TET3: variants seen among roughly 807,000 people sequenced by gnomAD.
TET3 encodes tet methylcytosine dioxygenase 3.
TET3 carries 19 observed loss-of-function variants against 141.4 expected under a neutral mutation model. The ratio of observed to expected loss-of-function variants is 0.13; its 90% CI spans 0.09 to 0.20. The LOEUF is 0.20. TET3 is among the 10% of genes least tolerant of loss of function. The probability of loss-of-function intolerance (pLI) is 1.00; values close to 1 mark genes in which losing one functional copy is unlikely to be tolerated. For missense variants in TET3, 1,874 were observed against 2,356.9 expected (o/e 0.80, Z 4.24); for synonymous variants, 1,043 against 980.9 (o/e 1.06, Z -1.18).
At position 74,047,703 on chromosome 2, in the gene TET3, G is replaced by T; in HGVS notation, c.1786G>T (p.Ala596Ser). ...AGGPVGTEKAAPGIKPSVRKP... is the reference protein window; with the variant it reads ...AGGPVGTEKASPGIKPSVRKP... The stretch of plus-strand genomic sequence containing the variant: ...AGGTCCCGTGGGAACGGAGAAAGCT[G>T]CCCCTGGGATCAAGCCCAGTGTCCG... Residue 596 changes from alanine (A) to serine (S), a missense_variant, in exon 4 of 12, where the codon GCC becomes TCC. By Grantham distance (99) the Ala-to-Ser change is moderately conservative (BLOSUM62 1). Coordinates refer to ENST00000409262, the MANE Select transcript of TET3 (RefSeq NM_001287491.2). 6.2e-7 allele frequency: 1 copy of T among 1,613,414 alleles called. No homozygotes were observed. The highest frequency in any genetic ancestry group is 8.5e-7 in the Non-Finnish European group (1 of 1,179,634).
the TET3 span, among the ~76,000 whole-genome samples, chr2:74,115,570 A>G: frequency 6.6e-6 from 1 of 152,178 alleles, no homozygotes; most frequent in African/African-American, 2.4e-5. Context: ...AAACTGTTGA[A>G]ATATTTAAAA....
At chr2:74,123,832 G>A in the TET3 span, among the ~76,000 whole-genome samples, 5 of 151,582 alleles carry the variant, frequency 3.3e-5, no homozygotes, top group East Asian at 2.0e-4. Context: ...CTGCCCGGCC[G>A]CCCATCGTCT....
At chr2:74,057,307 C>G (rs563651234) in intron 4 of TET3, among the ~76,000 whole-genome samples, 1 of 152,298 alleles carries the variant, frequency 6.6e-6, no homozygotes, top group Non-Finnish European at 1.5e-5. Context: ...CAACCCAACC[C>G]TCAACATACA....
the TET3 span, chr2:74,135,147 G>A: frequency 4.3e-6 from 1 of 235,068 alleles, no homozygotes; most frequent in South Asian, 5.9e-5. Context: ...GAAATTGAGG[G>A]TCCAAGATCA....
chr2:74,056,585 A>G (rs909817355), intron 4 of TET3, among the ~76,000 whole-genome samples: 2 of 152,206 alleles, frequency 1.3e-5, no homozygotes, highest in African/African-American at 4.8e-5. Context: ...TGGTCAAAAC[A>G]AGACATAAAA....
chr2:74,031,662 T>C (rs1686694978), intron 3 of TET3, among the ~76,000 whole-genome samples: 1 of 152,234 alleles, frequency 6.6e-6, no homozygotes. Flanking sequence ...TAGCCTACTC[T>C]GTGAAGTTGA....
intron 5 of TET3, 119 bp from the exon 6 acceptor site, chr2:74,080,379 G>C: frequency 3.6e-6 from 3 of 828,000 alleles, no homozygotes; most frequent in South Asian, 3.1e-5. Flanking sequence ...TTTCTTCTCT[G>C]TTGCCCCCGA....
intron 4 of TET3, among the ~76,000 whole-genome samples, chr2:74,057,666 A>G (rs1468033113): frequency 6.6e-6 from 1 of 152,218 alleles, no homozygotes; most frequent in Non-Finnish European, 1.5e-5. Flanking sequence ...GTGTGGAACC[A>G]CTGGCGTCTA....
chr2:74,101,233 C>T lies in TET3; in HGVS notation c.4445C>T (p.Pro1482Leu). 6.2e-7 allele frequency: 1 copy of T among 1,612,868 alleles called. No homozygotes were observed. The highest frequency in any genetic ancestry group is 8.5e-7 in the Non-Finnish European group (1 of 1,179,426). Residue 1482 changes from proline (P) to leucine (L), a missense_variant, in exon 12 of 12, where the codon CCT becomes CTT. Coordinates refer to ENST00000409262, the MANE Select transcript of TET3 (RefSeq NM_001287491.2). This position sits in a 1 kb window ranked among gnomAD's most constrained non-coding sequence, Gnocchi z 8.5. ...LSSFGASCLA[P>L]SHFTDGQWGL... ...TCCTTTGGGGCCAGCTGCCTGGCCC[C>T]TTCCCACTTCACAGATGGCCAGTGG...
In TET3 at chr2:74,099,332, G is replaced by A. The variant is rs771205720; in HGVS notation, c.3324G>A (p.Glu1108=). The change falls in exon 11 of 12, where the codon GAG becomes GAA. Residue 1108 remains glutamate (E), a synonymous_variant. Transcript: ENST00000409262. ...GCGTGGGCAAGATTCCCGAGGATGA[G>A]CAGCTGCATGTTCTCCCCCTGTACA... The part of the protein sequence containing the change: ...NRCVGKIPED[E]QLHVLPLYKM... 1 of 1,613,134 alleles carries A rather than the reference G, an allele frequency of 6.2e-7. No homozygotes were observed. The highest frequency in any genetic ancestry group is 1.1e-5 in the South Asian group (1 of 90,822).
rs79268484 is a variant in TET3, at chr2:74,106,855, T to C, written c.*4679T>C. The C allele has an allele frequency of 8.3e-4, 126 of 152,414 alleles. 1 individual carries two copies. Among genetic ancestry groups the C allele is most frequent in the African/African-American group, 2.9e-3 (122 of 41,550 alleles). 9.4% of individuals were successfully genotyped at this position (152,414 alleles called of 1,614,324 possible). A position where few individuals can be genotyped will look rare whatever the true frequency, so the allele number is the denominator to read the frequency against. On this transcript the variant is annotated 3_prime_UTR_variant, in exon 12 of 12. Transcript: ENST00000409262. ...TGATGACATACTTGACCTTGAAAAA[T>C]CTGGGGTCATTTTGTTTTTCATTCT...
chr2:74,068,860 C>T (rs7581319), intron 4 of TET3, among the ~76,000 whole-genome samples: 2,962 of 151,998 alleles, frequency 0.019, 97 homozygotes, highest in African/African-American at 0.066. Context: ...TTTCATTTTC[C>T]TCTTGTGTTG....
At chr2:74,033,104 C>T (rs1220573705) in intron 3 of TET3, among the ~76,000 whole-genome samples, 1 of 152,248 alleles carries the variant, frequency 6.6e-6, no homozygotes, top group Non-Finnish European at 1.5e-5. Flanking sequence ...TGACTGCTCC[C>T]TTCTCGTCTC....
chr2:74,042,914 A>G (rs925620673), intron 3 of TET3, among the ~76,000 whole-genome samples: 1 of 152,308 alleles, frequency 6.6e-6, no homozygotes, highest in Admixed American at 6.5e-5. Flanking sequence ...ATCTACATCT[A>G]CTTTTCCCTT....
chr2:74,113,786 A>T, the TET3 span, among the ~76,000 whole-genome samples: 2 of 146,982 alleles, frequency 1.4e-5, no homozygotes, highest in Admixed American at 1.4e-4. Flanking sequence ...CAAAACACTG[A>T]TGAAAGATAT....
At chr2:74,114,533 C>T in the TET3 span, among the ~76,000 whole-genome samples, 1 of 151,786 alleles carries the variant, frequency 6.6e-6, no homozygotes, top group South Asian at 2.1e-4. Flanking sequence ...TATATTTTAC[C>T]ACAATAAAAT....
rs1391525686 is a variant in TET3 at position 74,105,774 on chromosome 2, A to G, written c.*3598A>G. 5.8e-6 allele frequency: 1 copy of G among 171,582 alleles called. No individual in the cohort carries two copies. The highest frequency in any genetic ancestry group is 1.2e-5 in the Non-Finnish European group (1 of 80,524). 10.6% of individuals were successfully genotyped at this position (171,582 alleles called of 1,614,324 possible). A position where few individuals can be genotyped will look rare whatever the true frequency, so the allele number is the denominator to read the frequency against. Reference sequence around the variant, plus strand: ...AGATGTGCAAGGACGGTTGACAATGAGTCGATGATAACCTAATTTCATTGA... The same window carrying G: ...AGATGTGCAAGGACGGTTGACAATGGGTCGATGATAACCTAATTTCATTGA... On this transcript the variant is annotated 3_prime_UTR_variant, in exon 12 of 12. Transcript: ENST00000409262.
chr2:74,076,441 GTTTTTTTTTTTTTTTTTT>G lies in TET3; in HGVS notation c.2585+2814_2585+2831del, dbSNP rs70965785. Among the ~76,000 whole-genome samples the G allele has an allele frequency of 9.7e-4, 55 of 56,590 alleles. 3 individuals carry two copies. Among genetic ancestry groups the G allele is most frequent in the Middle Eastern group, 0.03 (2 of 66 alleles). 37.1% of individuals were successfully genotyped at this position (56,590 alleles called of 152,430 possible). On this transcript the variant is annotated intron_variant, in intron 5 of 11. Coordinates refer to ENST00000409262, the MANE Select transcript of TET3 (RefSeq NM_001287491.2). ...AACCTATTCAGGTTCATTCCTCTGG[GTTTTTTTTTTTTTTTTTT>G]TTTTTTTTTTTGTCTATTTTATTTT...
rs1227827876 is a variant in TET3, at chr2:74,104,888, C to T, written c.*2712C>T. 6.4e-6 allele frequency: 2 copies of T among 313,042 alleles called. No homozygotes were observed. 19.4% of individuals were successfully genotyped at this position (313,042 alleles called of 1,614,324 possible). On this transcript the variant is annotated 3_prime_UTR_variant, in exon 12 of 12. Transcript: ENST00000409262. ...GTCTCCATTGGATGTCCCCACTCCC[C>T]GCAGAATGGCGTTTCCAGAGTTAGG...
Sources: gnomAD v4.1 joint callset for allele counts (sites outside exome capture counted in the v4.1 genomes callset) on GRCh38, gnomAD v4.1.1 for gene constraint, Gnocchi (gnomAD v3.1) non-coding constraint, MANE v1.5 for transcripts, NCBI Gene and HGNC (gene_info 2026-07-23, HGNC 2026-07-21) for gene names.